The following GAK variants were observed in gnomAD, a reference collection of about 807,000 sequenced individuals.
GAK encodes the protein cyclin G associated kinase.
GAK carries 79 observed loss-of-function variants against 143.9 expected under a neutral mutation model. The ratio of observed to expected loss-of-function variants is 0.55; its 90% CI spans 0.46 to 0.66. GAK has a LOEUF of 0.66. Among genes scored for constraint, GAK ranks in the 30% least tolerant of loss-of-function variants. The pLI, the probability that GAK is intolerant of heterozygous loss-of-function variation, is 0.00. For synonymous variants in GAK, 881 were observed against 765.5 expected (o/e 1.15, Z -2.49); for missense variants, 1,693 against 1,779.7 (o/e 0.95, Z 0.88).
At position 857,722 on chromosome 4, in the gene GAK, C is replaced by A. The variant is rs192944281; in HGVS notation, c.3283+1884G>T. Among the ~76,000 whole-genome samples the A allele has an allele frequency of 6.5e-3, 985 of 152,308 alleles. 10 individuals are homozygous for A. Among genetic ancestry groups the A allele is most frequent in the African/African-American group, 0.022 (919 of 41,560 alleles). ...CGGGAGAGGTCTGTGGGCTTCAGAA[C>A]TGGCCTCTGTCCCTGTGTTCCACTG... is the stretch of plus-strand genomic sequence containing the variant. On this transcript the variant is annotated intron_variant, in intron 24 of 27. Transcript: ENST00000314167.
chr4:917,874 T>C (rs533578517), intron 1 of GAK, among the ~76,000 whole-genome samples: 81 of 152,258 alleles, frequency 5.3e-4, no homozygotes, highest in Non-Finnish European at 9.7e-4. Context: ...TGGAAATCCA[T>C]GAAATAGAAA....
In GAK at chr4:849,452, A is replaced by C; in HGVS notation, c.*221T>G. 3.5e-6 allele frequency: 2 copies of C among 568,194 alleles called. No individual in the cohort carries two copies. Among genetic ancestry groups the C allele is most frequent in the Non-Finnish European group, 6.3e-6 (2 of 315,732 alleles). The allele number at this position is 568,194 out of a possible 1,614,324, so 35.2% of individuals were successfully genotyped here. A position where few individuals can be genotyped will look rare whatever the true frequency, so the allele number is the denominator to read the frequency against. ...CGTGACAATTGCGGGAGGAGCATGAATCAGCTGTTCCTTCGGGAGGAGAAA... is the reference window on the plus strand; with the variant it reads ...CGTGACAATTGCGGGAGGAGCATGACTCAGCTGTTCCTTCGGGAGGAGAAA... On this transcript the variant is annotated 3_prime_UTR_variant, in exon 28 of 28. Transcript: ENST00000314167.
chr4:904,451 C>T (rs942351641), intron 5 of GAK, among the ~76,000 whole-genome samples, 186 bp downstream of exon 5: 4 of 150,030 alleles, frequency 2.7e-5, no homozygotes, highest in African/African-American at 9.9e-5. Context: ...GACCCGCACA[C>T]AGAGGCCTCA....
At chr4:924,511 C>T (rs970370640) in intron 1 of GAK, among the ~76,000 whole-genome samples, 2 of 140,770 alleles carry the variant, frequency 1.4e-5, no homozygotes, top group Admixed American at 6.9e-5. Flanking sequence ...AAAATGTTCT[C>T]GGCACCTTTA....
In GAK at chr4:868,651, C is replaced by A; in HGVS notation, c.2283G>T (p.Thr761=). The A allele has an allele frequency of 6.4e-7, 1 of 1,559,510 alleles. No individual in the cohort carries two copies. The highest frequency in any genetic ancestry group is 8.7e-7 in the Non-Finnish European group (1 of 1,152,200). ...ACCCTGCCCCAGCATCATACTGAGCCGTGGAGCCAGGCTGCCGGGGAAGCT... is the reference window on the plus strand; with the variant it reads ...ACCCTGCCCCAGCATCATACTGAGCAGTGGAGCCAGGCTGCCGGGGAAGCT... ...KPELPRQPGS[T]AQYDAGAGSP... is the part of the protein sequence containing the mutation. Residue 761 remains threonine, a synonymous_variant, in exon 20 of 28, where the codon ACG becomes ACT. Transcript: ENST00000314167.
intron 18 of GAK, among the ~76,000 whole-genome samples, chr4:873,878 C>T (rs1713238160): frequency 6.6e-6 from 1 of 152,174 alleles, no homozygotes; most frequent in Admixed American, 6.6e-5. Flanking sequence ...GTCTTCTATC[C>T]ACCTTCAATG....
At chr4:857,180 T>C (rs1484874273) in intron 24 of GAK, among the ~76,000 whole-genome samples, 1 of 152,232 alleles carries the variant, frequency 6.6e-6, no homozygotes, top group East Asian at 1.9e-4. Flanking sequence ...TACTTGATCT[T>C]GGTGTAGAAT....
At chr4:867,523 C>A in intron 20 of GAK, 91 bp from the exon 21 acceptor site, 1 of 773,382 alleles carries the variant, frequency 1.3e-6, no homozygotes, top group Non-Finnish European at 2.1e-6. Context: ...CTCCTCGGCC[C>A]AGGGCCTTGG....
rs187955725 is a variant in GAK at position 907,965 on chromosome 4, C to T, written c.383-3186G>A. ...CCCACACCACCCCATGCAGGGTCAG[C>T]GATGAGCCGCTGGCCCCGGCCCTGT... On this transcript the variant is annotated intron_variant, in intron 4 of 27. Transcript: ENST00000314167. 2.6e-3 allele frequency among the ~76,000 whole-genome samples: 403 copies of T among 152,232 alleles called. 6 individuals are homozygous for T. Among genetic ancestry groups the T allele is most frequent in the Non-Finnish European group, 3.6e-3 (245 of 67,998 alleles).
At chr4:894,361 G>A (rs1030722710) in intron 7 of GAK, 6 of 208,294 alleles carry the variant, frequency 2.9e-5, no homozygotes, top group African/African-American at 9.7e-5. Context: ...GGGTGACGTC[G>A]GAGCCGTGGG....
chr4:866,892 G>T, intron 21 of GAK, 64 bp downstream of exon 21: 2 of 1,230,712 alleles, frequency 1.6e-6, no homozygotes, highest in South Asian at 1.6e-5. Flanking sequence ...CATGCAGTGA[G>T]AATGACTCAG....
chr4:919,649 C>T (rs77528402), intron 1 of GAK, among the ~76,000 whole-genome samples: 5,183 of 152,348 alleles, frequency 0.034, 111 homozygotes, highest in South Asian at 0.088. Flanking sequence ...ACCGCTTCTG[C>T]GATGCCTTCC....
rs1717110351 is a variant in GAK, at chr4:888,988, C to T, written c.1082-18G>A. 3.7e-6 allele frequency: 6 copies of T among 1,605,960 alleles called. No individual in the cohort carries two copies. The South Asian group carries it at 6.6e-5, about 18-fold the overall frequency. Reference sequence around the variant, plus strand: ...CGCCAGGCCTGCAGGGAGACACAGTCTCAGCAGGCCCCAGGTGCTCGGTCC... The same window carrying T: ...CGCCAGGCCTGCAGGGAGACACAGTTTCAGCAGGCCCCAGGTGCTCGGTCC... On this transcript the variant is annotated intron_variant, in intron 10 of 27. Transcript: ENST00000314167.
At chr4:849,843 C>A in intron 27 of GAK, 49 bp downstream of exon 27, 1 of 1,266,332 alleles carries the variant, frequency 7.9e-7, no homozygotes, top group Non-Finnish European at 1.1e-6. Flanking sequence ...GACCCCCCCC[C>A]CGCCCCGCCC....
At chr4:859,470 T>C (rs1749889477) in intron 24 of GAK, 136 bp downstream of exon 24, 1 of 1,601,212 alleles carries the variant, frequency 6.2e-7, no homozygotes, top group African/African-American at 1.3e-5. Context: ...CCCCTTGGGC[T>C]CACTGTGCTC....
chr4:849,401 G>GC lies in GAK; in HGVS notation c.*271dup. 1 of 507,212 alleles carries GC rather than the reference G, an allele frequency of 2.0e-6. No individual in the cohort carries two copies. The highest frequency in any genetic ancestry group is 3.6e-6 in the Non-Finnish European group (1 of 278,596). The allele number at this position is 507,212 out of a possible 1,614,324, so 31.4% of individuals were successfully genotyped here. On this transcript the variant is annotated 3_prime_UTR_variant, in exon 28 of 28. Coordinates refer to ENST00000314167, the MANE Select transcript of GAK (RefSeq NM_005255.4). The stretch of plus-strand genomic sequence containing the variant: ...CACGTGCCGGGGCTCCAGAGGCCAC[G>GC]CCCGAAACACCAAATAAATCACAGA...
At chr4:909,552 C>G (rs747167499) in intron 4 of GAK, among the ~76,000 whole-genome samples, 1 of 151,780 alleles carries the variant, frequency 6.6e-6, no homozygotes, top group Non-Finnish European at 1.5e-5. Context: ...GAGACAGGGA[C>G]GGGAAGGGCC....
At chr4:868,089 G>T (rs1276990223) in intron 20 of GAK, among the ~76,000 whole-genome samples, 1 of 152,212 alleles carries the variant, frequency 6.6e-6, no homozygotes, top group Non-Finnish European at 1.5e-5. Flanking sequence ...GTGTGTCTGG[G>T]GTGAGGTCCA....
intron 5 of GAK, 82 bp from the exon 6 acceptor site, chr4:898,240 C>A: frequency 6.5e-7 from 1 of 1,529,910 alleles, no homozygotes; most frequent in South Asian, 1.2e-5. Flanking sequence ...GTGTGAGACA[C>A]AGCCAGGGCC....
Sources: gnomAD v4.1 joint callset for allele counts (sites outside exome capture counted in the v4.1 genomes callset) on GRCh38, gnomAD v4.1.1 for gene constraint, MANE v1.5 for transcripts, NCBI Gene and HGNC (gene_info 2026-07-23, HGNC 2026-07-21) for gene names.